Variants in NRXN1 observed in about 807,000 individuals in gnomAD.
NRXN1 encodes the protein neurexin-1.
Under a neutral mutation model 150.9 loss-of-function variants are expected in NRXN1, and 39 were observed. The observed-to-expected ratio is 0.26, with a 90% confidence interval of 0.20 to 0.34. The LOEUF is 0.34. Ranked by LOEUF, NRXN1 falls within the 10% of genes least tolerant of loss-of-function variation. NRXN1 has a pLI of 1.00. For synonymous variants in NRXN1, 924 were observed against 757.0 expected (o/e 1.22, Z -3.62); for missense variants, 1,815 against 1,949.9 (o/e 0.93, Z 1.30).
chr2:50,136,978 TA>T (rs1706502773), intron 18 of NRXN1, among the ~76,000 whole-genome samples: 1 of 152,216 alleles, frequency 6.6e-6, no homozygotes, highest in Non-Finnish European at 1.5e-5. Flanking sequence ...AAAGCATTTC[TA>T]ATTTGGGTTA....
intron 12 of NRXN1, among the ~76,000 whole-genome samples, chr2:50,510,527 GAAAGAAAGA>G (rs2092414950): frequency 1.2e-5 from 1 of 86,386 alleles, no homozygotes; most frequent in Non-Finnish European, 2.6e-5. Context: ...CAAAAGAAAA[GAAAGAAAGA>G]AAAGAAAGAC....
chr2:50,381,666 T>C (rs919313777), intron 17 of NRXN1, among the ~76,000 whole-genome samples: 3 of 151,964 alleles, frequency 2.0e-5, no homozygotes, highest in South Asian at 2.1e-4. Flanking sequence ...CAGATACTAT[T>C]AGGTTGGTGG....
chr2:50,098,830 GTTTTTTT>G (rs746736925), intron 18 of NRXN1, among the ~76,000 whole-genome samples: 17 of 105,566 alleles, frequency 1.6e-4, no homozygotes, highest in African/African-American at 5.6e-4. Context: ...TTTGGTTTTA[GTTTTTTT>G]TTTTTTTTTT....
At chr2:49,944,203 TA>T (rs1197735715) in intron 21 of NRXN1, among the ~76,000 whole-genome samples, 1 of 152,198 alleles carries the variant, frequency 6.6e-6, no homozygotes, top group Non-Finnish European at 1.5e-5. Flanking sequence ...AGAAAAGCCA[TA>T]ACCTTTTACA....
At chr2:50,925,240 G>T (rs1354526513) in intron 3 of NRXN1, among the ~76,000 whole-genome samples, 2 of 151,806 alleles carry the variant, frequency 1.3e-5, no homozygotes, top group South Asian at 4.2e-4. Flanking sequence ...TGAGAATAAG[G>T]AAATATGTTT....
At chr2:50,432,575 T>C (rs1349746589) in intron 17 of NRXN1, among the ~76,000 whole-genome samples, 1 of 152,212 alleles carries the variant, frequency 6.6e-6, no homozygotes, top group Non-Finnish European at 1.5e-5. Flanking sequence ...GGATTGCTCA[T>C]TGTTCCTCTT....
At chr2:50,520,610 C>A (rs1573376581) in intron 12 of NRXN1, among the ~76,000 whole-genome samples, 1 of 151,882 alleles carries the variant, frequency 6.6e-6, no homozygotes, top group South Asian at 2.1e-4. Context: ...ATAGGAGATG[C>A]TGATTACTTC....
intron 5 of NRXN1, among the ~76,000 whole-genome samples, chr2:50,661,598 C>T (rs1463697707): frequency 6.6e-6 from 1 of 152,018 alleles, no homozygotes; most frequent in Non-Finnish European, 1.5e-5. Flanking sequence ...GGTATGGTCT[C>T]CTATTTGCTA....
chr2:50,193,614 T>C (rs1338819892), intron 18 of NRXN1, among the ~76,000 whole-genome samples: 1 of 152,132 alleles, frequency 6.6e-6, no homozygotes, highest in Non-Finnish European at 1.5e-5. Context: ...TAAAGCTTTA[T>C]TGTGCCACTA....
intron 5 of NRXN1, among the ~76,000 whole-genome samples, chr2:50,733,140 A>C (rs1373835647): frequency 2.6e-5 from 4 of 152,160 alleles, no homozygotes; most frequent in African/African-American, 9.7e-5. Context: ...TAACATTTGG[A>C]GCTTTAAATG....
chr2:49,933,921 GA>G (rs755687446), intron 22 of NRXN1, among the ~76,000 whole-genome samples: 37 of 152,162 alleles, frequency 2.4e-4, no homozygotes, highest in Non-Finnish European at 3.4e-4. Flanking sequence ...TCCCTTTCAT[GA>G]AAAGAGGCCT....
intron 17 of NRXN1, among the ~76,000 whole-genome samples, chr2:50,274,852 T>C (rs2070227928): frequency 6.6e-6 from 1 of 152,102 alleles, no homozygotes. Context: ...GCCTACAATC[T>C]GTAGGCTGTA....
At chr2:50,358,381 C>T (rs1195399414) in intron 17 of NRXN1, among the ~76,000 whole-genome samples, 1 of 152,202 alleles carries the variant, frequency 6.6e-6, no homozygotes, top group Non-Finnish European at 1.5e-5. Flanking sequence ...CTGGGATGCT[C>T]AAGCTTGGTG....
At chr2:49,927,816 T>A (rs1669367740) in intron 22 of NRXN1, among the ~76,000 whole-genome samples, 1 of 152,180 alleles carries the variant, frequency 6.6e-6, no homozygotes, top group African/African-American at 2.4e-5. Context: ...AATTGTCATT[T>A]TTATGAAATT....
chr2:50,562,846 T>A (rs368314105), intron 8 of NRXN1, among the ~76,000 whole-genome samples: 96 of 152,242 alleles, frequency 6.3e-4, no homozygotes, highest in African/African-American at 2.2e-3. Context: ...TTTTTCTTGA[T>A]CTAGTTCCAT....
At chr2:50,242,086 G>A (rs1002218412) in intron 17 of NRXN1, among the ~76,000 whole-genome samples, 1 of 151,662 alleles carries the variant, frequency 6.6e-6, no homozygotes, top group Non-Finnish European at 1.5e-5. Context: ...AAACATTCAG[G>A]CAATTATGTT....
At chr2:50,664,799 A>G (rs915611363) in intron 5 of NRXN1, among the ~76,000 whole-genome samples, 3 of 151,640 alleles carry the variant, frequency 2.0e-5, no homozygotes, top group African/African-American at 4.8e-5. Flanking sequence ...AACAAAAACT[A>G]TGAAGCTGTA....
intron 18 of NRXN1, chr2:50,174,779 T>C (rs776261838): frequency 2.6e-5 from 4 of 152,194 alleles, no homozygotes; most frequent in African/African-American, 4.8e-5. Flanking sequence ...GTTGTAATTA[T>C]GGATTTTATT....
rs1312758820 is a variant in NRXN1 at position 51,032,054 on chromosome 2, A to AT, written c.-996dup. 2.6e-5 allele frequency: 4 copies of AT among 152,292 alleles called. No individual in the cohort carries two copies. The highest frequency in any genetic ancestry group is 7.2e-5 in the African/African-American group (3 of 41,416). The allele number at this position is 152,292 out of a possible 1,614,324, so 9.4% of individuals were successfully genotyped here. ...GGTCAAAGCGAATTTCCTGAGGTCT[A>AT]TGGATAAGGCGACTGCTGCTGCCTT... On this transcript the variant is annotated 5_prime_UTR_variant, in exon 1 of 23. Transcript: ENST00000401669.
Sources: gnomAD v4.1 joint callset for allele counts (sites outside exome capture counted in the v4.1 genomes callset) on GRCh38, gnomAD v4.1.1 for gene constraint, MANE v1.5 for transcripts, NCBI Gene and HGNC (gene_info 2026-07-23, HGNC 2026-07-21) for gene names.